SNHG17: variants seen among roughly 807,000 people sequenced by gnomAD.
The protein encoded by SNHG17 is small nucleolar RNA host gene 17 (non-protein coding).
chr20:38,432,097 G>A (rs1956632140), intron 2 of SNHG17: 1 of 985,308 alleles, frequency 1.0e-6, no homozygotes, highest in African/African-American at 1.7e-5. Flanking sequence ...AGAAGCCCTG[G>A]ATGAGCTATC....
At chr20:38,434,807 C>G (rs2084404146) in intron 1 of SNHG17, 1 of 977,038 alleles carries the variant, frequency 1.0e-6, no homozygotes, top group East Asian at 1.1e-4. Context: ...AGTTAACGGT[C>G]TCAAGGACGT....
chr20:38,429,861 G>T, intron 3 of SNHG17: 1 of 507,654 alleles, frequency 2.0e-6, no homozygotes, highest in Non-Finnish European at 3.9e-6. Flanking sequence ...TCCGGGCAAT[G>T]GTCTCACCTG....
chr20:38,426,995 T>TACATACACACACACACACACACACACAC (rs2084259581), intron 3 of SNHG17, among the ~76,000 whole-genome samples: 1 of 125,580 alleles, frequency 8.0e-6, no homozygotes, highest in African/African-American at 2.9e-5. Context: ...AAGTTACACA[T>TACATACACACACACACACACACACACAC]ACACACACAC....
intron 1 of SNHG17, chr20:38,434,729 C>A: frequency 3.6e-6 from 2 of 549,414 alleles, no homozygotes; most frequent in Non-Finnish European, 4.7e-6. Context: ...TCCATTTAAA[C>A]CACAGCTAAC....
intron 3 of SNHG17, among the ~76,000 whole-genome samples, chr20:38,426,672 C>T (rs2084253926): frequency 6.6e-6 from 1 of 150,952 alleles, no homozygotes; most frequent in African/African-American, 2.4e-5. Flanking sequence ...GATCTTACAA[C>T]TCCACCCATT....
At chr20:38,426,528 A>G (rs1281962935) in intron 3 of SNHG17, 1 of 139,830 alleles carries the variant, frequency 7.2e-6, no homozygotes, top group African/African-American at 2.6e-5. Context: ...AGCCACACAT[A>G]TCACTTCTTA....
intron 7 of SNHG17, chr20:38,420,917 G>A (rs1338239370): frequency 1.3e-5 from 2 of 152,144 alleles, no homozygotes; most frequent in Admixed American, 6.6e-5. Context: ...CAAAGGACAA[G>A]TGAGACCAGT....
chr20:38,435,158 T>A, intron 1 of SNHG17: 1 of 1,232,136 alleles, frequency 8.1e-7, no homozygotes, highest in South Asian at 4.1e-5. Context: ...CCCCCGATGG[T>A]GAGAGTGGAG....
intron 3 of SNHG17, chr20:38,427,899 A>T (rs781135080): frequency 6.6e-6 from 1 of 152,404 alleles, no homozygotes; most frequent in Admixed American, 6.5e-5. Flanking sequence ...CTACATAACC[A>T]GATCCCAGTA....
At chr20:38,422,603 C>G (rs2084175176) in intron 5 of SNHG17, among the ~76,000 whole-genome samples, 1 of 152,178 alleles carries the variant, frequency 6.6e-6, no homozygotes, top group East Asian at 1.9e-4. Flanking sequence ...TATCCCTCTT[C>G]TGGACACATA....
Position 38,433,120 on chromosome 20 carries a change from G to A in SNHG17, n.308+1384C>T, listed in dbSNP as rs1005910786. The stretch of plus-strand genomic sequence containing the variant: ...CTCCTGAGTAGCTGGAATTATAGGC[G>A]TGTGCCACCACACCTAGGTAATTTT... On this transcript the variant is annotated intron_variant and non_coding_transcript_variant, in intron 2 of 8. Coordinates refer to ENST00000654008, the Ensembl canonical transcript of SNHG17. Among the ~76,000 whole-genome samples the A allele has an allele frequency of 8.5e-5, 13 of 152,178 alleles. No homozygotes were observed. In the East Asian group the frequency reaches 9.7e-4, roughly 11 times the overall value.
intron 2 of SNHG17, chr20:38,433,976 C>T (rs1304668063): frequency 1.9e-6 from 1 of 518,974 alleles, no homozygotes; most frequent in Non-Finnish European, 3.8e-6. Flanking sequence ...ACAGGCAGCC[C>T]ACGATCACTT....
Position 38,423,330 on chromosome 20 carries a change from G to A in SNHG17, n.580-1089C>T, listed in dbSNP as rs184367273. Among the ~76,000 whole-genome samples, 422 of 149,284 alleles carry A rather than the reference G, an allele frequency of 2.8e-3. 3 individuals carry two copies. The highest frequency in any genetic ancestry group is 9.9e-3 in the African/African-American group (404 of 40,952). ...GAGGGTCACTTAAGCCCAGGAGACA[G>A]AGGTTGCAGTGAGCAAACACAGTTC... On this transcript the variant is annotated intron_variant and non_coding_transcript_variant, in intron 5 of 8. Transcript: ENST00000654008.
intron 3 of SNHG17, chr20:38,430,915 G>GACAGGAGC (rs2084332116): frequency 6.6e-6 from 1 of 152,444 alleles, no homozygotes; most frequent in Non-Finnish European, 1.5e-5. Flanking sequence ...AAGGAGCAAA[G>GACAGGAGC]ACAGGAGCAA....
intron 5 of SNHG17, among the ~76,000 whole-genome samples, chr20:38,423,596 T>C (rs1357764477): frequency 2.2e-5 from 3 of 138,664 alleles, no homozygotes; most frequent in Non-Finnish European, 4.7e-5. Context: ...GAGAATAAAA[T>C]GGTAATTACC....
At chr20:38,425,769 C>T (rs918916013) in intron 5 of SNHG17, among the ~76,000 whole-genome samples, 3 of 152,088 alleles carry the variant, frequency 2.0e-5, no homozygotes, top group African/African-American at 7.2e-5. Flanking sequence ...TGATACTATC[C>T]ACACGTCGGC....
exon 4 of SNHG17, chr20:38,426,490 G>A (rs1017948045): frequency 7.2e-6 from 1 of 139,762 alleles, no homozygotes; most frequent in Non-Finnish European, 1.6e-5. Flanking sequence ...CAGGACAGAG[G>A]TCAGCTGACA....
intron 2 of SNHG17, chr20:38,434,036 C>A: frequency 1.9e-6 from 1 of 514,834 alleles, no homozygotes; most frequent in South Asian, 1.4e-5. Context: ...AGCGTGTTAG[C>A]TGCCAGATCT....
At chr20:38,426,895 C>CT in intron 3 of SNHG17, among the ~76,000 whole-genome samples, 1 of 150,272 alleles carries the variant, frequency 6.7e-6, no homozygotes, top group Non-Finnish European at 1.5e-5. Flanking sequence ...GCAATGAGCA[C>CT]TTTCTCTTTC....
Sources: allele counts gnomAD v4.1 joint callset (sites outside exome capture counted in the v4.1 genomes callset), GRCh38; gene constraint gnomAD v4.1.1; transcripts MANE v1.5; gene names NCBI Gene and HGNC (gene_info 2026-07-23, HGNC 2026-07-21).